Variants in SEC24A observed in about 807,000 individuals in gnomAD.
SEC24A encodes the protein SEC24 homolog A, COPII component, also known as protein transport protein Sec24A.
A neutral mutation model predicts 129.4 loss-of-function variants in SEC24A; 93 were observed. That is an observed-to-expected ratio of 0.72 (90% CI 0.61 to 0.85). The LOEUF is 0.85. Among genes scored for constraint, SEC24A ranks in the 40% least tolerant of loss-of-function variants. The probability of loss-of-function intolerance (pLI) is 0.00; values close to 1 mark genes in which losing one functional copy is unlikely to be tolerated. For synonymous variants in SEC24A, 460 were observed against 467.3 expected (o/e 0.98, Z 0.20); for missense variants, 1,264 against 1,307.4 (o/e 0.97, Z 0.51).
chr5:134,699,488 A>T (rs1233394170), intron 15 of SEC24A, among the ~76,000 whole-genome samples: 1 of 150,768 alleles, frequency 6.6e-6, no homozygotes, highest in Admixed American at 6.6e-5. Flanking sequence ...TTTAGTAGAG[A>T]CGGGGTTTCA....
At chr5:134,711,123 G>A (rs1333095115) in intron 18 of SEC24A, among the ~76,000 whole-genome samples, 1 of 151,974 alleles carries the variant, frequency 6.6e-6, no homozygotes, top group East Asian at 1.9e-4. Context: ...GTGACAAAGC[G>A]AGACTCCTTC....
Position 134,703,936 on chromosome 5 carries a change from A to T in SEC24A, c.2440+4A>T. The T allele has an allele frequency of 6.5e-7, 1 of 1,544,432 alleles. No individual in the cohort carries two copies. The highest frequency in any genetic ancestry group is 8.8e-7 in the Non-Finnish European group (1 of 1,140,574). ...CTCTTGTATACATCCAGCAAAGGTA[A>T]ATTGTTTGTTTTTTTTTGGATTTCA... On this transcript the variant is annotated splice_donor_region_variant and intron_variant, in intron 16 of 22. Coordinates refer to ENST00000398844, the MANE Select transcript of SEC24A (RefSeq NM_021982.3).
At position 134,693,902 on chromosome 5, in the gene SEC24A, G is replaced by A. The variant is rs759216609; in HGVS notation, c.1955G>A (p.Arg652Gln). 20 of 1,613,948 alleles carry A rather than the reference G, an allele frequency of 1.2e-5. No individual in the cohort carries two copies. In the East Asian group the frequency reaches 1.6e-4, roughly 13 times the overall value. ...CTTGGAGTGGGAGCCCTGAAACCACGAGAGGAACCAAACCACAGGTCATCT... is the reference window on the plus strand; with the variant it reads ...CTTGGAGTGGGAGCCCTGAAACCACAAGAGGAACCAAACCACAGGTCATCT... Reference protein sequence around the residue: ...PTLGVGALKPREEPNHRSSAK... With the variant: ...PTLGVGALKPQEEPNHRSSAK... The change falls in exon 13 of 23, where the codon CGA (arginine) becomes CAA (glutamine). Residue 652 changes from arginine (R) to glutamine (Q), a missense_variant. Transcript: ENST00000398844.
rs374454172 is a variant in SEC24A, at chr5:134,708,744, T to G, written c.2583T>G (p.Ser861Arg). Residue 861 changes from serine to arginine, a missense_variant, in exon 18 of 23, where the codon AGT (serine) becomes AGG (arginine). Transcript: ENST00000398844. ...ACAGATCTATGACTGCCAGTCTGAGTGACGCTCGGGATGCTCTAGTGAATG... is the reference window on the plus strand; with the variant it reads ...ACAGATCTATGACTGCCAGTCTGAGGGACGCTCGGGATGCTCTAGTGAATG... ...AVDRSMTASL[S>R]DARDALVNAV... 1 of 1,613,878 alleles carries G rather than the reference T, an allele frequency of 6.2e-7. No individual in the cohort carries two copies. Among genetic ancestry groups the G allele is most frequent in the Non-Finnish European group, 8.5e-7 (1 of 1,180,008 alleles).
chr5:134,676,119 C>G lies in SEC24A; in HGVS notation c.1248C>G (p.Asp416Glu). The G allele has an allele frequency of 6.3e-7, 1 of 1,597,372 alleles. No individual in the cohort carries two copies. The highest frequency in any genetic ancestry group is 8.5e-7 in the Non-Finnish European group (1 of 1,171,852). ...GGCTGCTGCTTCATCCTTTCAAAGA[C>G]TTAGTGGTATGTTTCTTTTCTTTTC... ...PLGLLLHPFK[D>E]LVQLPVVTSS... is the part of the protein sequence containing the mutation. Residue 416 changes from aspartate (D) to glutamate (E), a missense_variant, in exon 7 of 23, where the codon GAC becomes GAG. By Grantham distance (45) the Asp-to-Glu change is conservative. Transcript: ENST00000398844.
intron 7 of SEC24A, among the ~76,000 whole-genome samples, chr5:134,679,016 G>A (rs1034406020): frequency 6.6e-6 from 1 of 151,552 alleles, no homozygotes; most frequent in Admixed American, 6.6e-5. Flanking sequence ...TAGCCACTGT[G>A]CCTGGCCTGC....
chr5:134,661,378 A>G lies in SEC24A; in HGVS notation c.357A>G (p.Thr119=). 1 of 1,614,082 alleles carries G rather than the reference A, an allele frequency of 6.2e-7. No homozygotes were observed. The highest frequency in any genetic ancestry group is 8.5e-7 in the Non-Finnish European group (1 of 1,180,012). Residue 119 remains threonine (T), a synonymous_variant, in exon 2 of 23, where the codon ACA becomes ACG. Transcript: ENST00000398844. ...CTGCTTCTCAGAACCCAGCTACTAC[A>G]CCAATGCCTTCTAGTAGCTTTCTTC... ...PLPASQNPAT[T]PMPSSSFLPE... is the part of the protein sequence containing the mutation.
chr5:134,717,033 C>A (rs1005984885), intron 19 of SEC24A, among the ~76,000 whole-genome samples: 4 of 151,234 alleles, frequency 2.6e-5, no homozygotes, highest in African/African-American at 9.7e-5. Context: ...GCGTGCACCA[C>A]CACATCTTGC....
chr5:134,663,998 C>G (rs533601529), intron 2 of SEC24A, among the ~76,000 whole-genome samples: 1 of 152,164 alleles, frequency 6.6e-6, no homozygotes, highest in African/African-American at 2.4e-5. Flanking sequence ...GTAATCCCAG[C>G]TACTCAGGAG....
chr5:134,653,051 C>A (rs763562877), intron 1 of SEC24A, among the ~76,000 whole-genome samples: 3 of 151,674 alleles, frequency 2.0e-5, no homozygotes, highest in Admixed American at 6.6e-5. Flanking sequence ...GTGATCTGCC[C>A]GCCTCTGCCT....
intron 16 of SEC24A, among the ~76,000 whole-genome samples, chr5:134,704,147 G>T (rs1045564324): frequency 5.3e-5 from 8 of 152,022 alleles, no homozygotes; most frequent in Non-Finnish European, 1.2e-4. Context: ...TCTGCTCACT[G>T]CAACCTCTGC....
At chr5:134,686,982 A>C (rs2150091931) in intron 10 of SEC24A, 80 bp downstream of exon 10, 2 of 768,954 alleles carry the variant, frequency 2.6e-6, no homozygotes, top group East Asian at 5.7e-5. Context: ...TTAAAAAATA[A>C]AAGCTGTATA....
At chr5:134,649,345 C>A (rs1039061102) in intron 1 of SEC24A, 172 bp downstream of exon 1, 1 of 481,140 alleles carries the variant, frequency 2.1e-6, no homozygotes. Context: ...CCTGTAGCCC[C>A]AGGCTCGTCT....
In SEC24A at chr5:134,715,214, A is replaced by G. The variant is rs1752442443; in HGVS notation, c.2865+53A>G. The G allele has an allele frequency of 2.1e-6, 3 of 1,412,328 alleles. No individual in the cohort carries two copies. In the Admixed American group the frequency reaches 5.7e-5, roughly 27 times the overall value. The allele number at this position is 1,412,328 out of a possible 1,614,324, so 87.5% of individuals were successfully genotyped here. A position where few individuals can be genotyped will look rare whatever the true frequency, so the allele number is the denominator to read the frequency against. ...TACTTGAAGATTAGTAAGCCTAATC[A>G]TAGTCCAGTACAGAAATGAGGAAGG... On this transcript the variant is annotated intron_variant, in intron 19 of 22. Transcript: ENST00000398844.
At chr5:134,651,365 G>A (rs976018079) in intron 1 of SEC24A, among the ~76,000 whole-genome samples, 7 of 150,142 alleles carry the variant, frequency 4.7e-5, no homozygotes, top group Non-Finnish European at 5.9e-5. Context: ...CTCGATCTCG[G>A]CTCACTGCAA....
intron 18 of SEC24A, among the ~76,000 whole-genome samples, chr5:134,712,500 A>G (rs1345115865): frequency 6.6e-6 from 1 of 151,422 alleles, no homozygotes; most frequent in East Asian, 2.0e-4. Flanking sequence ...TCCGTCCTCC[A>G]TGGCCTCCCA....
chr5:134,670,866 G>T (rs1339209476), intron 3 of SEC24A, among the ~76,000 whole-genome samples: 1 of 151,920 alleles, frequency 6.6e-6, no homozygotes, highest in Non-Finnish European at 1.5e-5. Flanking sequence ...ACGGGCACAT[G>T]TAGTCCCAGC....
chr5:134,698,157 C>T, intron 15 of SEC24A, 100 bp downstream of exon 15: 1 of 996,758 alleles, frequency 1.0e-6, no homozygotes, highest in Non-Finnish European at 1.5e-6. Context: ...TTCTGAGATA[C>T]TTTGCCTACT....
chr5:134,656,023 C>T (rs1185248559), intron 1 of SEC24A, among the ~76,000 whole-genome samples: 3 of 151,338 alleles, frequency 2.0e-5, no homozygotes, highest in Non-Finnish European at 2.9e-5. Context: ...ATGCATAGAT[C>T]AGTGACTCCC....
Sources: allele counts gnomAD v4.1 joint callset (sites outside exome capture counted in the v4.1 genomes callset), GRCh38; gene constraint gnomAD v4.1.1; transcripts MANE v1.5; gene names NCBI Gene and HGNC (gene_info 2026-07-23, HGNC 2026-07-21).